Variants in LTBP2 observed in about 807,000 individuals in gnomAD.
The protein encoded by LTBP2 is latent-transforming growth factor beta-binding protein 2.
A neutral mutation model predicts 210.6 loss-of-function variants in LTBP2; 103 were observed. The ratio of observed to expected loss-of-function variants is 0.49; its 90% CI spans 0.42 to 0.58. The LOEUF is 0.58. Among genes scored for constraint, LTBP2 ranks in the 20% least tolerant of loss-of-function variants. The pLI is 0.00. For synonymous variants in LTBP2, 1,007 were observed against 1,015.0 expected, an observed-to-expected ratio of 0.99 and a Z score of 0.15; for missense variants, 2,313 against 2,494.5, an observed-to-expected ratio of 0.93 and a Z score of 1.55.
rs531066210 is a variant in LTBP2, at chr14:74,545,976, G to C, written c.1789+3887C>G. 2.0e-5 allele frequency among the ~76,000 whole-genome samples: 3 copies of C among 152,350 alleles called. No homozygotes were observed. The East Asian group carries it at 5.8e-4, about 29-fold the overall frequency. ...AACAAAAGGGATTTACCTATGCCAT[G>C]CAATTAAGACTTCAAGGCAGTCCTT... On this transcript the variant is annotated intron_variant, in intron 8 of 35. Transcript: ENST00000261978.
At chr14:74,516,283 AG>A (rs1430496282) in intron 18 of LTBP2, among the ~76,000 whole-genome samples, 2 of 152,164 alleles carry the variant, frequency 1.3e-5, no homozygotes, top group Non-Finnish European at 2.9e-5. Flanking sequence ...AGGGTCTGTG[AG>A]GAGACCAGTT....
intron 3 of LTBP2, among the ~76,000 whole-genome samples, chr14:74,559,601 T>C (rs969601234): frequency 2.6e-5 from 4 of 152,168 alleles, no homozygotes; most frequent in African/African-American, 9.7e-5. Context: ...TGGTTACCAC[T>C]GCCATCACCC....
intron 3 of LTBP2, among the ~76,000 whole-genome samples, chr14:74,576,726 T>A (rs897600060): frequency 3.3e-5 from 5 of 151,598 alleles, no homozygotes; most frequent in Non-Finnish European, 7.4e-5. Context: ...GGGGATGTCC[T>A]TCCCTAAGCT....
chr14:74,532,544 G>T lies in LTBP2; in HGVS notation c.1869C>A (p.Ile623=). ...KRLNLTHCQD[I]NECLTLGLCK... is the part of the protein sequence containing the mutation. ...ACAGGCCCAGGGTCAAGCACTCGTT[G>T]ATATCTGCAGGGTTGGAGGAGATGA... The change falls in exon 10 of 36, where the codon ATC becomes ATA. Residue 623 remains isoleucine, a synonymous_variant. Coordinates refer to ENST00000261978, the MANE Select transcript of LTBP2 (RefSeq NM_000428.3). 6.2e-7 allele frequency: 1 copy of T among 1,614,074 alleles called. No homozygotes were observed. Among genetic ancestry groups the T allele is most frequent in the African/African-American group, 1.3e-5 (1 of 75,056 alleles).
chr14:74,559,880 A>T (rs1001036479), intron 3 of LTBP2: 1 of 152,200 alleles, frequency 6.6e-6, no homozygotes, highest in African/African-American at 2.4e-5. Flanking sequence ...GAAGAAGGCA[A>T]GTCTCAATGA....
intron 3 of LTBP2, among the ~76,000 whole-genome samples, chr14:74,578,862 T>C (rs2088097782): frequency 6.6e-6 from 1 of 152,188 alleles, no homozygotes; most frequent in South Asian, 2.1e-4. Flanking sequence ...GCTTTTTGTT[T>C]GTTTGTTTTC....
chr14:74,574,434 A>G (rs1042142470), intron 3 of LTBP2, among the ~76,000 whole-genome samples: 2 of 152,174 alleles, frequency 1.3e-5, no homozygotes, highest in Non-Finnish European at 2.9e-5. Context: ...GACACGACAC[A>G]ATTGACCAAA....
intron 2 of LTBP2, among the ~76,000 whole-genome samples, chr14:74,600,234 T>C (rs183889715): frequency 6.6e-6 from 1 of 152,308 alleles, no homozygotes; most frequent in African/African-American, 2.4e-5. Flanking sequence ...GACCAGTTAA[T>C]GAGCACACAG....
intron 3 of LTBP2, among the ~76,000 whole-genome samples, chr14:74,564,707 C>T (rs1198849658): frequency 1.3e-5 from 2 of 151,964 alleles, no homozygotes; most frequent in African/African-American, 4.8e-5. Flanking sequence ...TTTAATGACA[C>T]TTTCTTTGTG....
rs1252890630 is a variant in LTBP2 at position 74,528,485 on chromosome 14, T to C, written c.2366A>G (p.Lys789Arg). 1 of 1,611,850 alleles carries C rather than the reference T, an allele frequency of 6.2e-7. No individual in the cohort carries two copies. Among genetic ancestry groups the C allele is most frequent in the East Asian group, 2.2e-5 (1 of 44,886 alleles). Residue 789 changes from lysine to arginine, a missense_variant and splice_region_variant, in exon 12 of 36, where the codon AAG (lysine) becomes AGG (arginine). Transcript: ENST00000261978. The part of the protein sequence containing the change: ...TWLEAGTIPD[K>R]GDSQAGQVTT... ...GGCATCTCCCCCAGCTCAGATACCCTTGTCAGGGATGGTCCCGGCCTCAAG... is the reference window on the plus strand; with the variant it reads ...GGCATCTCCCCCAGCTCAGATACCCCTGTCAGGGATGGTCCCGGCCTCAAG...
chr14:74,513,519 G>A (rs1475159644), intron 18 of LTBP2, among the ~76,000 whole-genome samples: 3 of 152,176 alleles, frequency 2.0e-5, no homozygotes, highest in Admixed American at 1.3e-4. Flanking sequence ...AAACTTGGCT[G>A]CTGCTGGGCA....
At chr14:74,513,089 TG>T (rs1372579053) in intron 18 of LTBP2, among the ~76,000 whole-genome samples, 1 of 152,254 alleles carries the variant, frequency 6.6e-6, no homozygotes, top group Non-Finnish European at 1.5e-5. Context: ...GGACCTTTCC[TG>T]CAGGGATCAG....
At chr14:74,527,314 T>C (rs1417068666) in intron 13 of LTBP2, 33 bp downstream of exon 13, 1 of 1,608,540 alleles carries the variant, frequency 6.2e-7, no homozygotes, top group Admixed American at 1.7e-5. Context: ...TCTGCCATGC[T>C]TGCCCGGCCC....
intron 3 of LTBP2, among the ~76,000 whole-genome samples, chr14:74,567,888 G>A (rs2087924667): frequency 6.6e-6 from 1 of 152,146 alleles, no homozygotes; most frequent in Non-Finnish European, 1.5e-5. Flanking sequence ...TGAGGCCCCT[G>A]GCTCCGAGTT....
intron 25 of LTBP2, 131 bp from the exon 26 acceptor site, chr14:74,507,441 C>A (rs2087006361): frequency 8.0e-7 from 1 of 1,255,114 alleles, no homozygotes; most frequent in African/African-American, 1.5e-5. Context: ...CCAACCCCAG[C>A]ACATCAAGGT....
At chr14:74,603,424 GC>G (rs907696353) in intron 2 of LTBP2, among the ~76,000 whole-genome samples, 1 of 152,150 alleles carries the variant, frequency 6.6e-6, no homozygotes, top group African/African-American at 2.4e-5. Context: ...ACCGCTCCCG[GC>G]CCCAGCTAGA....
intron 26 of LTBP2, 143 bp downstream of exon 26, chr14:74,507,036 C>T: frequency 3.9e-6 from 6 of 1,549,006 alleles, no homozygotes; most frequent in Middle Eastern, 1.7e-4. Context: ...TGGCATCTTT[C>T]ATAAGCTCTG....
At chr14:74,600,291 C>G (rs1268724352) in intron 2 of LTBP2, among the ~76,000 whole-genome samples, 1 of 152,238 alleles carries the variant, frequency 6.6e-6, no homozygotes, top group Non-Finnish European at 1.5e-5. Context: ...CTGTTGCCCA[C>G]TGGCAACTCC....
rs1300686724 is a variant in LTBP2 at position 74,551,258 on chromosome 14, C to T, written c.1492G>A (p.Val498Met). 1.2e-6 allele frequency: 2 copies of T among 1,610,924 alleles called. No homozygotes were observed. The highest frequency in any genetic ancestry group is 1.1e-5 in the South Asian group (1 of 90,540). Residue 498 changes from valine (V) to methionine (M), a missense_variant, in exon 7 of 36, where the codon GTG (valine) becomes ATG (methionine). By Grantham distance (21) the Val-to-Met change is conservative (BLOSUM62 1). Coordinates refer to ENST00000261978, the MANE Select transcript of LTBP2 (RefSeq NM_000428.3). Reference protein sequence around the residue: ...IHQVAQVRGGVEEALVENSVE... With the variant: ...IHQVAQVRGGMEEALVENSVE... The stretch of plus-strand genomic sequence containing the variant: ...CTGTTCTCCACTAGGGCCTCCTCCA[C>T]CCCGCCCCGCACCTGGGCCACCTGG...
Sources: allele counts gnomAD v4.1 joint callset (sites outside exome capture counted in the v4.1 genomes callset), GRCh38; gene constraint gnomAD v4.1.1; transcripts MANE v1.5; gene names NCBI Gene and HGNC (gene_info 2026-07-23, HGNC 2026-07-21).